The following PCLO variants were observed in gnomAD, a reference collection of about 807,000 sequenced individuals.
PCLO encodes the protein protein piccolo.
PCLO carries 82 observed loss-of-function variants against 427.5 expected under a neutral mutation model. The ratio of observed to expected loss-of-function variants is 0.19; its 90% CI spans 0.16 to 0.23. PCLO has a LOEUF of 0.23. Among genes scored for constraint, PCLO ranks in the 10% least tolerant of loss-of-function variants. The pLI, the probability that PCLO is intolerant of heterozygous loss-of-function variation, is 1.00. For missense variants in PCLO, 6,239 were observed against 6,115.9 expected (o/e 1.02, Z -0.67); for synonymous variants, 2,357 against 2,155.4 (o/e 1.09, Z -2.59).
intron 3 of PCLO, among the ~76,000 whole-genome samples, chr7:82,975,808 GA>G (rs34423292): frequency 0.074 from 11,197 of 152,056 alleles, 1,404 homozygotes; most frequent in African/African-American, 0.26. Flanking sequence ...TGATAGTGAG[GA>G]AGTTCTCATG....
intron 6 of PCLO, among the ~76,000 whole-genome samples, chr7:82,938,651 T>C (rs1425359958): frequency 3.9e-5 from 6 of 151,944 alleles, no homozygotes; most frequent in African/African-American, 1.4e-4. Context: ...TACTAAAACA[T>C]GATAACTTAA....
At chr7:83,136,827 T>G (rs1410841791) in intron 2 of PCLO, among the ~76,000 whole-genome samples, 1 of 152,186 alleles carries the variant, frequency 6.6e-6, no homozygotes, top group East Asian at 1.9e-4. Context: ...TTTTTTGCAT[T>G]GCATCTATTG....
intron 3 of PCLO, among the ~76,000 whole-genome samples, chr7:83,000,378 T>G (rs1308720265): frequency 6.6e-6 from 1 of 151,754 alleles, no homozygotes; most frequent in Non-Finnish European, 1.5e-5. Context: ...AAAGAACTTA[T>G]CAAGTAAAAA....
At chr7:83,004,641 C>T (rs68124564) in intron 3 of PCLO, among the ~76,000 whole-genome samples, 111 of 24,978 alleles carry the variant, frequency 4.4e-3, no homozygotes, top group African/African-American at 0.042. Flanking sequence ...CACTAAAAAA[C>T]ATAACACTAA....
At chr7:82,911,579 T>C (rs925321789) in intron 7 of PCLO, among the ~76,000 whole-genome samples, 2 of 152,096 alleles carry the variant, frequency 1.3e-5, no homozygotes, top group Non-Finnish European at 2.9e-5. Context: ...ATCGGTGAAA[T>C]ATATATACTT....
chr7:82,993,081 C>A (rs1427277645), intron 3 of PCLO, among the ~76,000 whole-genome samples: 1 of 151,974 alleles, frequency 6.6e-6, no homozygotes. Flanking sequence ...CCCTCCCAAG[C>A]TGAAACTCTA....
At chr7:82,830,162 A>G (rs1051793790) in intron 16 of PCLO, among the ~76,000 whole-genome samples, 1 of 151,954 alleles carries the variant, frequency 6.6e-6, no homozygotes, top group African/African-American at 2.4e-5. Flanking sequence ...TATCTTTTAA[A>G]AAATCTAAAA....
At chr7:82,795,951 A>G (rs900790553) in intron 22 of PCLO, among the ~76,000 whole-genome samples, 5 of 152,192 alleles carry the variant, frequency 3.3e-5, no homozygotes, top group Admixed American at 6.5e-5. Context: ...TCCCAGTGCA[A>G]CATTTCAGAG....
intron 22 of PCLO, among the ~76,000 whole-genome samples, chr7:82,783,179 A>T (rs988114893): frequency 5.9e-5 from 9 of 152,218 alleles, no homozygotes; most frequent in Non-Finnish European, 1.2e-4. Flanking sequence ...CTTTCCTGAG[A>T]CTATGATATC....
At position 82,995,494 on chromosome 7, in the gene PCLO, G is replaced by A. The variant is rs10244763; in HGVS notation, c.3301-29007C>T. Reference sequence around the variant, plus strand: ...ATTGTGGTTTGTCATGAAGTGGCTGGAATATGAGAAAATGCAATCATAAAA... The same window carrying A: ...ATTGTGGTTTGTCATGAAGTGGCTGAAATATGAGAAAATGCAATCATAAAA... On this transcript the variant is annotated intron_variant, in intron 3 of 24. Coordinates refer to ENST00000333891, the MANE Select transcript of PCLO (RefSeq NM_033026.6). 9.7e-3 allele frequency among the ~76,000 whole-genome samples: 1,482 copies of A among 152,110 alleles called. 27 individuals are homozygous for A. Among genetic ancestry groups the A allele is most frequent in the African/African-American group, 0.033 (1,379 of 41,520 alleles).
At chr7:83,120,068 T>C (rs574398159) in intron 3 of PCLO, among the ~76,000 whole-genome samples, 2 of 152,074 alleles carry the variant, frequency 1.3e-5, no homozygotes, top group South Asian at 4.1e-4. Flanking sequence ...CTAAGAGTTA[T>C]TGACTTTAAA....
chr7:82,971,055 TTTAA>T (rs1795891797), intron 3 of PCLO, among the ~76,000 whole-genome samples: 3 of 151,860 alleles, frequency 2.0e-5, no homozygotes, highest in Admixed American at 2.0e-4. Context: ...TATTCAGGAA[TTTAA>T]TTAAGAAATA....
chr7:82,882,060 T>C (rs1390705609), intron 9 of PCLO, among the ~76,000 whole-genome samples: 1 of 152,182 alleles, frequency 6.6e-6, no homozygotes, highest in Non-Finnish European at 1.5e-5. Flanking sequence ...GTTTATTTTA[T>C]AGTAGCTGCT....
chr7:82,900,432 T>C (rs1363547191), intron 9 of PCLO, among the ~76,000 whole-genome samples: 1 of 151,786 alleles, frequency 6.6e-6, no homozygotes, highest in Non-Finnish European at 1.5e-5. Context: ...TTTCTATTGA[T>C]GCACATTGTC....
At chr7:82,811,816 C>A (rs1329186912) in intron 20 of PCLO, among the ~76,000 whole-genome samples, 1 of 151,430 alleles carries the variant, frequency 6.6e-6, no homozygotes, top group Non-Finnish European at 1.5e-5. Context: ...ACTCTGATAT[C>A]TCTATCAGTC....
chr7:83,119,823 GA>G (rs71074621), intron 3 of PCLO, among the ~76,000 whole-genome samples: 12,064 of 141,680 alleles, frequency 0.085, 550 homozygotes, highest in South Asian at 0.14. Context: ...AATCCTATCA[GA>G]AAAAAAAAAA....
chr7:82,995,964 TTTAA>T (rs1217009867), intron 3 of PCLO, among the ~76,000 whole-genome samples: 25 of 152,050 alleles, frequency 1.6e-4, no homozygotes, highest in African/African-American at 5.8e-4. Context: ...TATCATTATA[TTTAA>T]GGGGAGAGGT....
rs551357208 is a variant in PCLO, at chr7:83,100,717, A to AT, written c.3300+33532dup. On this transcript the variant is annotated intron_variant, in intron 3 of 24. Coordinates refer to ENST00000333891, the MANE Select transcript of PCLO (RefSeq NM_033026.6). Reference sequence around the variant, plus strand: ...ATAACTAATGGGTACTAGGCTTAATATCTGGCTGATGAAATAATCTGTATA... The same window carrying AT: ...ATAACTAATGGGTACTAGGCTTAATATTCTGGCTGATGAAATAATCTGTATA... Among the ~76,000 whole-genome samples the AT allele has an allele frequency of 1.8e-4, 27 of 152,290 alleles. No individual in the cohort carries two copies. In the South Asian group the frequency reaches 5.0e-3, roughly 28 times the overall value.
At chr7:82,872,440 TAAAG>T (rs1793259488) in intron 10 of PCLO, among the ~76,000 whole-genome samples, 1 of 151,784 alleles carries the variant, frequency 6.6e-6, no homozygotes, top group Non-Finnish European at 1.5e-5. Context: ...AAAGGAAATG[TAAAG>T]AAAGAGGAAC....
Sources: gnomAD v4.1 joint callset for allele counts (sites outside exome capture counted in the v4.1 genomes callset) on GRCh38, gnomAD v4.1.1 for gene constraint, MANE v1.5 for transcripts, NCBI Gene and HGNC (gene_info 2026-07-23, HGNC 2026-07-21) for gene names.